Variants in CA8 observed in about 807,000 individuals in gnomAD.
CA8 encodes the protein carbonic anhydrase-related protein.
Under a neutral mutation model 41.4 loss-of-function variants are expected in CA8, and 22 were observed. That is an observed-to-expected ratio of 0.53 (90% CI 0.38 to 0.76). The LOEUF (loss-of-function observed/expected upper bound fraction) is 0.76, where lower values mean the gene tolerates loss of function less well. Ranked by LOEUF, CA8 falls within the 30% of genes least tolerant of loss-of-function variation. The pLI is 0.00. For missense variants in CA8, 270 were observed against 352.8 expected, an observed-to-expected ratio of 0.77 and a Z score of 1.88; for synonymous variants, 121 against 130.6, an observed-to-expected ratio of 0.93 and a Z score of 0.50.
chr8:60,217,588 G>A (rs1807064484), intron 7 of CA8, among the ~76,000 whole-genome samples: 1 of 152,140 alleles, frequency 6.6e-6, no homozygotes, highest in African/African-American at 2.4e-5. Context: ...CCCACCACCT[G>A]TATACCATAC....
intron 2 of CA8, among the ~76,000 whole-genome samples, chr8:60,277,754 G>A (rs921692150): frequency 6.6e-6 from 1 of 152,182 alleles, no homozygotes; most frequent in Non-Finnish European, 1.5e-5. Context: ...GTTCCTCTGA[G>A]GAGCTTAAAT....
chr8:60,237,625 G>C (rs1301618047), intron 3 of CA8, among the ~76,000 whole-genome samples: 1 of 152,214 alleles, frequency 6.6e-6, no homozygotes. Flanking sequence ...ACACTGCACA[G>C]CAGGTGGCTG....
At chr8:60,216,888 C>T (rs1807040169) in intron 7 of CA8, among the ~76,000 whole-genome samples, 1 of 152,066 alleles carries the variant, frequency 6.6e-6, no homozygotes, top group South Asian at 2.1e-4. Context: ...TTATAAAGAA[C>T]ATTTTTGTTT....
At chr8:60,223,227 C>A (rs1807309759) in intron 6 of CA8, among the ~76,000 whole-genome samples, 1 of 152,148 alleles carries the variant, frequency 6.6e-6, no homozygotes, top group South Asian at 2.1e-4. Flanking sequence ...TGCCTGAGGT[C>A]ACTCAGCTAA....
intron 3 of CA8, 92 bp downstream of exon 3, chr8:60,265,833 T>G (rs765932720): frequency 6.0e-5 from 81 of 1,346,632 alleles, no homozygotes; most frequent in Non-Finnish European, 8.0e-5. Context: ...TCAAGAGCTA[T>G]GCATCTACTT....
intron 2 of CA8, among the ~76,000 whole-genome samples, chr8:60,279,115 TTAAATAAATAAA>T (rs140904427): frequency 8.6e-5 from 13 of 151,214 alleles, no homozygotes; most frequent in Middle Eastern, 3.2e-3. Context: ...GGGATGGAAC[TTAAATAAATAAA>T]TAAATAAATA....
intron 7 of CA8, 129 bp from the exon 8 acceptor site, chr8:60,209,048 C>A: frequency 9.3e-7 from 1 of 1,077,144 alleles, no homozygotes; most frequent in Non-Finnish European, 1.3e-6. Flanking sequence ...TAAAATTAAG[C>A]TTCAAAAAGA....
intron 3 of CA8, 55 bp downstream of exon 3, chr8:60,265,870 G>A (rs774622570): frequency 1.5e-5 from 24 of 1,556,114 alleles, no homozygotes; most frequent in Middle Eastern, 3.5e-4. Flanking sequence ...TCAGTAAATC[G>A]CTGAATACTT....
At chr8:60,197,004 GA>G (rs1806299736) in intron 8 of CA8, among the ~76,000 whole-genome samples, 2 of 152,100 alleles carry the variant, frequency 1.3e-5, no homozygotes, top group South Asian at 4.1e-4. Context: ...TGGCAAGGAT[GA>G]AAAATTTTAA....
At chr8:60,212,472 C>T (rs537671600) in intron 7 of CA8, among the ~76,000 whole-genome samples, 1 of 152,296 alleles carries the variant, frequency 6.6e-6, no homozygotes, top group South Asian at 2.1e-4. Context: ...CATGGGAGTG[C>T]AGGTATCTCT....
intron 2 of CA8, among the ~76,000 whole-genome samples, chr8:60,276,416 G>A (rs967183115): frequency 6.6e-6 from 1 of 152,112 alleles, no homozygotes; most frequent in African/African-American, 2.4e-5. Flanking sequence ...CCTAAGAGAA[G>A]ATCCGTCATA....
intron 8 of CA8, among the ~76,000 whole-genome samples, chr8:60,191,602 G>T (rs1386706402): frequency 6.6e-6 from 1 of 152,132 alleles, no homozygotes; most frequent in Non-Finnish European, 1.5e-5. Context: ...TTACATCCAG[G>T]ATTCTCCAGA....
At chr8:60,254,776 A>C (rs1029417991) in intron 3 of CA8, among the ~76,000 whole-genome samples, 37 of 152,316 alleles carry the variant, frequency 2.4e-4, no homozygotes, top group Non-Finnish European at 1.8e-4. Flanking sequence ...CACCCAAGTA[A>C]ATTAGAAAAG....
At chr8:60,236,620 C>A (rs935950331) in intron 3 of CA8, among the ~76,000 whole-genome samples, 12 of 152,076 alleles carry the variant, frequency 7.9e-5, no homozygotes, top group African/African-American at 2.9e-4. Context: ...AAAACATGAT[C>A]CCTTTGGGGA....
At chr8:60,275,149 A>G (rs1255477377) in intron 2 of CA8, among the ~76,000 whole-genome samples, 1 of 152,186 alleles carries the variant, frequency 6.6e-6, no homozygotes, top group Non-Finnish European at 1.5e-5. Flanking sequence ...AAACCAATAT[A>G]AGCAACAAAG....
chr8:60,214,574 A>G (rs1381011951), intron 7 of CA8, among the ~76,000 whole-genome samples: 1 of 152,236 alleles, frequency 6.6e-6, no homozygotes, highest in Non-Finnish European at 1.5e-5. Context: ...TTAGGGAAAC[A>G]GCCCCTTCGA....
intron 3 of CA8, 152 bp downstream of exon 3, chr8:60,265,773 G>C: frequency 1.2e-6 from 1 of 818,118 alleles, no homozygotes; most frequent in Non-Finnish European, 1.9e-6. Flanking sequence ...GCTGCCCTAG[G>C]CTTCCATTGC....
At chr8:60,250,588 T>C (rs887584019) in intron 3 of CA8, among the ~76,000 whole-genome samples, 5 of 152,222 alleles carry the variant, frequency 3.3e-5, no homozygotes, top group Non-Finnish European at 5.9e-5. Context: ...ATCTGATTTT[T>C]AGCCATGATT....
At chr8:60,217,283 CTACTT>C (rs1807054921) in intron 7 of CA8, among the ~76,000 whole-genome samples, 1 of 152,216 alleles carries the variant, frequency 6.6e-6, no homozygotes, top group South Asian at 2.1e-4. Flanking sequence ...CCCAGCTCGT[CTACTT>C]TGTTCTCAAG....
Sources: gnomAD v4.1 joint callset for allele counts (sites outside exome capture counted in the v4.1 genomes callset) on GRCh38, gnomAD v4.1.1 for gene constraint, MANE v1.5 for transcripts, NCBI Gene and HGNC (gene_info 2026-07-23, HGNC 2026-07-21) for gene names.